The following CDC14B variants were observed in gnomAD, a reference collection of about 807,000 sequenced individuals.
CDC14B encodes cell division cycle 14B, also known as dual specificity protein phosphatase CDC14B.
A neutral mutation model predicts 64.2 loss-of-function variants in CDC14B; 22 were observed. The observed-to-expected ratio is 0.34, with a 90% CI of 0.24 to 0.49. The LOEUF (loss-of-function observed/expected upper bound fraction) is 0.49. Ranked by LOEUF, CDC14B falls within the 20% of genes least tolerant of loss-of-function variation. The pLI is 0.99. For synonymous variants in CDC14B, 191 were observed against 215.8 expected (o/e 0.89, Z 1.01); for missense variants, 498 against 629.9 (o/e 0.79, Z 2.24).
chr9:96,572,930 T>C (rs1844559313), intron 1 of CDC14B, among the ~76,000 whole-genome samples: 1 of 152,232 alleles, frequency 6.6e-6, no homozygotes, highest in African/African-American at 2.4e-5. Context: ...TGCTAGCTGA[T>C]ATCAAGATAC....
chr9:96,619,272 T>C lies in CDC14B; in HGVS notation c.107A>G (p.Gln36Arg). The C allele has an allele frequency of 1.5e-6, 2 of 1,360,350 alleles. No homozygotes were observed. Among genetic ancestry groups the C allele is most frequent in the Non-Finnish European group, 1.9e-6 (2 of 1,051,104 alleles). The allele number at this position is 1,360,350 out of a possible 1,614,324, so 84.3% of individuals were successfully genotyped here. A position where few individuals can be genotyped will look rare whatever the true frequency, so the allele number is the denominator to read the frequency against. ...PGVKKIRSST[Q>R]QDPRRRDPQD... is the part of the protein sequence containing the mutation. Reference sequence around the variant, plus strand: ...GGGGTCCCGGCGGCGCGGGTCTTGCTGCGTGGAGCTGCGGATCTTCTTCAC... The same window carrying C: ...GGGGTCCCGGCGGCGCGGGTCTTGCCGCGTGGAGCTGCGGATCTTCTTCAC... The change falls in exon 1 of 14, where the codon CAG becomes CGG. Residue 36 changes from glutamine (Q) to arginine (R), a missense_variant. By Grantham distance (43) the Gln-to-Arg change is conservative. Transcript: ENST00000375241.
At chr9:96,596,277 G>A (rs1312470502) in intron 1 of CDC14B, among the ~76,000 whole-genome samples, 2 of 150,512 alleles carry the variant, frequency 1.3e-5, no homozygotes, top group Non-Finnish European at 2.9e-5. Context: ...CAGGAGAATT[G>A]CTTGAACCCG....
intron 1 of CDC14B, among the ~76,000 whole-genome samples, chr9:96,592,725 A>T (rs1197661802): frequency 6.6e-6 from 1 of 152,150 alleles, no homozygotes; most frequent in Non-Finnish European, 1.5e-5. Flanking sequence ...TTGAGCCAAG[A>T]TCGCGCCACT....
intron 9 of CDC14B, among the ~76,000 whole-genome samples, chr9:96,532,954 A>G (rs1416790452): frequency 6.6e-6 from 1 of 151,990 alleles, no homozygotes; most frequent in Non-Finnish European, 1.5e-5. Flanking sequence ...GATCTTTCTC[A>G]GGGATAGCTT....
intron 12 of CDC14B, among the ~76,000 whole-genome samples, chr9:96,511,061 T>C (rs564416681): frequency 6.6e-6 from 1 of 152,246 alleles, no homozygotes; most frequent in African/African-American, 2.4e-5. Context: ...AGAAAGCCAA[T>C]AACAACTTAT....
intron 13 of CDC14B, among the ~76,000 whole-genome samples, chr9:96,504,741 C>T (rs1833891388): frequency 2.0e-5 from 3 of 152,128 alleles, no homozygotes; most frequent in Admixed American, 2.0e-4. Flanking sequence ...AACAGGTGCC[C>T]AGATCTGAGA....
chr9:96,524,714 G>A (rs1260915545), intron 9 of CDC14B, among the ~76,000 whole-genome samples: 1 of 152,162 alleles, frequency 6.6e-6, no homozygotes. Flanking sequence ...TGACTTTCCT[G>A]AGCAAGAGAC....
chr9:96,559,001 C>A (rs951202469), intron 4 of CDC14B, among the ~76,000 whole-genome samples: 3 of 152,132 alleles, frequency 2.0e-5, no homozygotes, highest in African/African-American at 4.8e-5. Context: ...CTTTGAAATA[C>A]AATAAAGACA....
At chr9:96,574,092 C>T (rs181662937) in intron 1 of CDC14B, among the ~76,000 whole-genome samples, 3 of 151,290 alleles carry the variant, frequency 2.0e-5, no homozygotes, top group East Asian at 3.9e-4. Flanking sequence ...GCTGGCAGTA[C>T]GCCGAGATCG....
chr9:96,579,484 G>T (rs1446401162), intron 1 of CDC14B, among the ~76,000 whole-genome samples: 2 of 152,022 alleles, frequency 1.3e-5, no homozygotes, highest in East Asian at 3.9e-4. Flanking sequence ...TACTCAGGAG[G>T]CTGAGGCAGG....
rs370655432 is a variant in CDC14B at position 96,503,720 on chromosome 9, A to G, written c.*33T>C. The G allele has an allele frequency of 6.3e-7, 1 of 1,599,850 alleles. No homozygotes were observed. Among genetic ancestry groups the G allele is most frequent in the African/African-American group, 1.3e-5 (1 of 74,570 alleles). ...TTTCTGTTGCAGTTTTCAGTCCTAG[A>G]GTCTTCCTTCAGCTCTGGTCACAGG... On this transcript the variant is annotated 3_prime_UTR_variant, in exon 14 of 14. Transcript: ENST00000375241.
chr9:96,619,483 C>T lies in CDC14B; in HGVS notation c.-105G>A. On this transcript the variant is annotated 5_prime_UTR_variant, in exon 1 of 14. Transcript: ENST00000375241. The stretch of plus-strand genomic sequence containing the variant: ...GCGCGGGCGCTCGGGGCGGCGGGCG[C>T]AGAGCGGCGCTGCGGGGACGGCGGG... 1.8e-6 allele frequency: 1 copy of T among 554,510 alleles called. No individual in the cohort carries two copies. Among genetic ancestry groups the T allele is most frequent in the Non-Finnish European group, 2.3e-6 (1 of 439,532 alleles). The allele number at this position is 554,510 out of a possible 1,614,324, so 34.3% of individuals were successfully genotyped here. A position where few individuals can be genotyped will look rare whatever the true frequency, so the allele number is the denominator to read the frequency against.
intron 4 of CDC14B, among the ~76,000 whole-genome samples, chr9:96,553,994 T>C (rs1842165592): frequency 6.6e-6 from 1 of 151,906 alleles, no homozygotes; most frequent in Non-Finnish European, 1.5e-5. Context: ...TGAAACCCCG[T>C]CTCTACTAAA....
At chr9:96,580,011 T>A (rs1026104094) in intron 1 of CDC14B, among the ~76,000 whole-genome samples, 3 of 151,904 alleles carry the variant, frequency 2.0e-5, no homozygotes, top group African/African-American at 7.3e-5. Context: ...TCTATGAAAA[T>A]CTTAAAATTA....
At chr9:96,518,076 A>C (rs945265332) in intron 12 of CDC14B, among the ~76,000 whole-genome samples, 2 of 152,208 alleles carry the variant, frequency 1.3e-5, no homozygotes, top group Non-Finnish European at 2.9e-5. Flanking sequence ...TATACTTCCA[A>C]ATGGTCACCT....
intron 1 of CDC14B, among the ~76,000 whole-genome samples, chr9:96,607,447 G>A (rs1847037899): frequency 8.3e-6 from 1 of 119,784 alleles, no homozygotes; most frequent in Non-Finnish European, 1.6e-5. Context: ...TTAAGATAGA[G>A]TCTCGCTCTG....
At chr9:96,532,482 T>C (rs573330762) in intron 9 of CDC14B, among the ~76,000 whole-genome samples, 9 of 152,290 alleles carry the variant, frequency 5.9e-5, no homozygotes, top group African/African-American at 1.9e-4. Flanking sequence ...TGCTTGGAGT[T>C]TGTTGAGCTT....
At chr9:96,495,080 T>A (rs528912701) in intron 13 of CDC14B, among the ~76,000 whole-genome samples, 2 of 151,888 alleles carry the variant, frequency 1.3e-5, no homozygotes, top group Admixed American at 1.3e-4. Context: ...ATGATCCACC[T>A]GCCTCAGCCT....
intron 1 of CDC14B, among the ~76,000 whole-genome samples, chr9:96,590,632 G>A (rs540398965): frequency 3.3e-5 from 5 of 150,000 alleles, no homozygotes; most frequent in South Asian, 2.1e-4. Flanking sequence ...CCACATCCTC[G>A]CCAACATTTA....
Sources: allele counts gnomAD v4.1 joint callset (sites outside exome capture counted in the v4.1 genomes callset), GRCh38; gene constraint gnomAD v4.1.1; transcripts MANE v1.5; gene names NCBI Gene and HGNC (gene_info 2026-07-23, HGNC 2026-07-21).